Variants in LOC128462377 observed in about 807,000 individuals in gnomAD.
the LOC128462377 span, chr16:89,323,315 A>C: frequency 7.8e-7 from 1 of 1,288,934 alleles, no homozygotes; most frequent in Non-Finnish European, 1.0e-6. Context: ...TATGACCCAC[A>C]GCACTGTGGC....
the LOC128462377 span, among the ~76,000 whole-genome samples, chr16:89,415,861 C>G: frequency 0.033 from 2,588 of 77,984 alleles, 88 homozygotes; most frequent in African/African-American, 0.11. Flanking sequence ...CAATGGAGAA[C>G]CAGCCTCAGT....
At chr16:89,395,679 A>G in the LOC128462377 span, 7 of 152,254 alleles carry the variant, frequency 4.6e-5, no homozygotes, top group East Asian at 1.9e-4. Context: ...AAAGTTGTCA[A>G]TAAGCACACA....
chr16:89,363,337 G>C, the LOC128462377 span, among the ~76,000 whole-genome samples: 1 of 152,142 alleles, frequency 6.6e-6, no homozygotes. Context: ...CAGCCAAGGA[G>C]TAAGATTCAG....
At chr16:89,335,661 T>C in the LOC128462377 span, among the ~76,000 whole-genome samples, 2 of 152,284 alleles carry the variant, frequency 1.3e-5, no homozygotes, top group Admixed American at 1.3e-4. Context: ...AGTCTGTGTC[T>C]CTGCACCTCA....
At chr16:89,344,598 C>G in the LOC128462377 span, among the ~76,000 whole-genome samples, 21 of 152,348 alleles carry the variant, frequency 1.4e-4, no homozygotes, top group African/African-American at 5.1e-4. Context: ...GCCCACAATG[C>G]AAGCGTCCGG....
chr16:89,382,335 A>ATT, the LOC128462377 span, among the ~76,000 whole-genome samples: 1 of 151,246 alleles, frequency 6.6e-6, no homozygotes, highest in Non-Finnish European at 1.5e-5. Context: ...ATATATATAT[A>ATT]TTTTTTTAAA....
the LOC128462377 span, among the ~76,000 whole-genome samples, chr16:89,350,873 G>A: frequency 6.6e-6 from 1 of 152,134 alleles, no homozygotes; most frequent in Admixed American, 6.5e-5. Flanking sequence ...CGGGTCCCAT[G>A]GCATAAACAC....
chr16:89,402,639 G>C, the LOC128462377 span, among the ~76,000 whole-genome samples: 21 of 150,934 alleles, frequency 1.4e-4, no homozygotes, highest in African/African-American at 4.9e-4. Context: ...CTGTGGGTGG[G>C]GGGGGCAGCA....
At chr16:89,390,662 C>T in the LOC128462377 span, among the ~76,000 whole-genome samples, 1 of 151,992 alleles carries the variant, frequency 6.6e-6, no homozygotes, top group African/African-American at 2.4e-5. Context: ...GAAGAACAGG[C>T]AAAAGGGACG....
chr16:89,387,199 A>T, the LOC128462377 span, among the ~76,000 whole-genome samples: 1 of 152,160 alleles, frequency 6.6e-6, no homozygotes, highest in Admixed American at 6.5e-5. Context: ...CTCAGCAAGG[A>T]AACACACAGG....
the LOC128462377 span, among the ~76,000 whole-genome samples, chr16:89,364,419 G>A: frequency 2.6e-5 from 4 of 152,286 alleles, no homozygotes; most frequent in East Asian, 1.9e-4. Context: ...TCCTACTCAC[G>A]GTAAGAACAA....
At chr16:89,319,939 T>A in the LOC128462377 span, 1 of 152,454 alleles carries the variant, frequency 6.6e-6, no homozygotes, top group South Asian at 2.1e-4. Context: ...CACTGCCCTG[T>A]GTTCCCTCCA....
the LOC128462377 span, chr16:89,324,305 G>A: frequency 2.4e-6 from 3 of 1,271,954 alleles, no homozygotes; most frequent in Non-Finnish European, 3.1e-6. Context: ...CCACCCGACA[G>A]GAGCACGGAC....
chr16:89,401,824 G>C, the LOC128462377 span, among the ~76,000 whole-genome samples: 1 of 152,054 alleles, frequency 6.6e-6, no homozygotes. Context: ...CGGAGATCGT[G>C]GTGATGCGTC....
chr16:89,340,000 T>C, the LOC128462377 span: 1 of 152,238 alleles, frequency 6.6e-6, no homozygotes, highest in African/African-American at 2.4e-5. Flanking sequence ...GTTCTACTAT[T>C]CTTATGACAA....
the LOC128462377 span, among the ~76,000 whole-genome samples, chr16:89,378,754 T>C: frequency 6.6e-6 from 1 of 152,134 alleles, no homozygotes; most frequent in Non-Finnish European, 1.5e-5. Context: ...TAATTTTTTG[T>C]CTGTGTATTT....
At chr16:89,334,428 A>G in the LOC128462377 span, among the ~76,000 whole-genome samples, 1 of 152,080 alleles carries the variant, frequency 6.6e-6, no homozygotes, top group African/African-American at 2.4e-5. Context: ...CAAGCCTGCC[A>G]TTCTCTGAGG....
At chr16:89,381,354 A>AAGGGG in the LOC128462377 span, among the ~76,000 whole-genome samples, 12 of 125,336 alleles carry the variant, frequency 9.6e-5, no homozygotes, top group African/African-American at 3.6e-4. Context: ...AAAAAAAAAA[A>AAGGGG]GGGGTGAGAA....
At chr16:89,374,651 G>T in the LOC128462377 span, among the ~76,000 whole-genome samples, 1 of 152,332 alleles carries the variant, frequency 6.6e-6, no homozygotes, top group East Asian at 1.9e-4. Context: ...CGCGTGCTAC[G>T]ATCAGAGGAG....
Sources: allele counts gnomAD v4.1 joint callset (sites outside exome capture counted in the v4.1 genomes callset), GRCh38; gene constraint gnomAD v4.1.1; transcripts MANE v1.5.